The following PLCG2 variants were observed in gnomAD, a reference collection of about 807,000 sequenced individuals.
The protein encoded by PLCG2 is 1-phosphatidylinositol 4,5-bisphosphate phosphodiesterase gamma-2.
In PLCG2, 69 loss-of-function variants were observed where a neutral mutation model predicts 175.6. That is an observed-to-expected ratio of 0.39 (90% CI 0.32 to 0.48). The LOEUF (loss-of-function observed/expected upper bound fraction) is 0.48. Among genes scored for constraint, PLCG2 ranks in the 20% least tolerant of loss-of-function variants. PLCG2 has a pLI of 0.91. For synonymous variants in PLCG2, 827 were observed against 624.0 expected (o/e 1.33, Z -4.85); for missense variants, 1,798 against 1,650.9 (o/e 1.09, Z -1.54).
intron 2 of PLCG2, among the ~76,000 whole-genome samples, chr16:81,758,677 C>CTTT (rs35302433): frequency 2.1e-5 from 3 of 144,020 alleles, no homozygotes; most frequent in Non-Finnish European, 3.0e-5. Context: ...GTCCATCTCT[C>CTTT]TTTTTTTTTT....
At chr16:81,758,910 T>G (rs1909984996) in intron 2 of PLCG2, among the ~76,000 whole-genome samples, 1 of 152,178 alleles carries the variant, frequency 6.6e-6, no homozygotes, top group Admixed American at 6.6e-5. Context: ...ACTCCTGACC[T>G]CAGGTGATCC....
chr16:81,757,674 T>C (rs1190880953), intron 2 of PLCG2, among the ~76,000 whole-genome samples: 3 of 152,234 alleles, frequency 2.0e-5, no homozygotes, highest in Non-Finnish European at 4.4e-5. Flanking sequence ...ATAATTCATG[T>C]ATCACGCAAT....
chr16:81,954,647 TG>T (rs1161524270), intron 31 of PLCG2, among the ~76,000 whole-genome samples: 1 of 152,254 alleles, frequency 6.6e-6, no homozygotes, highest in African/African-American at 2.4e-5. Flanking sequence ...GCTTCATCCA[TG>T]TCCCTGCAAA....
chr16:81,952,122 G>T (rs1185569031), intron 31 of PLCG2, among the ~76,000 whole-genome samples: 1 of 151,850 alleles, frequency 6.6e-6, no homozygotes, highest in Non-Finnish European at 1.5e-5. Context: ...TAAAGGTACA[G>T]AACTTATATA....
chr16:81,786,094 G>T lies in PLCG2; in HGVS notation c.105G>T (p.Lys35Asn). 6.2e-7 allele frequency: 1 copy of T among 1,614,194 alleles called. No individual in the cohort carries two copies. The highest frequency in any genetic ancestry group is 1.1e-5 in the South Asian group (1 of 91,082). ...GTVMTVFSFR[K>N]STPERRTVQV... Reference sequence around the variant, plus strand: ...TGATGACTGTGTTCAGCTTCCGCAAGTCCACCCCCGAGCGGAGAACCGTCC... The same window carrying T: ...TGATGACTGTGTTCAGCTTCCGCAATTCCACCCCCGAGCGGAGAACCGTCC... The change falls in exon 2 of 33, where the codon AAG becomes AAT. Residue 35 changes from lysine to asparagine, a missense_variant. By Grantham distance (94) the Lys-to-Asn change is moderately conservative. Coordinates refer to ENST00000564138, the MANE Select transcript of PLCG2 (RefSeq NM_002661.5).
In PLCG2 at chr16:81,803,827, G is replaced by A. The variant is rs1047828806; in HGVS notation, c.193+17645G>A. Among the ~76,000 whole-genome samples, 6 of 151,868 alleles carry A rather than the reference G, an allele frequency of 4.0e-5. No homozygotes were observed. The East Asian group carries it at 9.7e-4, about 24-fold the overall frequency. On this transcript the variant is annotated intron_variant, in intron 2 of 32. Transcript: ENST00000564138. ...CTCCTGAGTGGCTGGGATTACAGGCGTGTACCACCACACCTGGCTAAGTTT... is the reference window on the plus strand; with the variant it reads ...CTCCTGAGTGGCTGGGATTACAGGCATGTACCACCACACCTGGCTAAGTTT...
At chr16:81,928,690 G>T (rs368410901) in intron 24 of PLCG2, 66 bp downstream of exon 24, 2 of 1,040,386 alleles carry the variant, frequency 1.9e-6, no homozygotes, top group African/African-American at 1.6e-5. Context: ...CCTCAGCCCC[G>T]CCCTACACAG....
At chr16:81,890,099 T>G (rs1172628598) in intron 10 of PLCG2, among the ~76,000 whole-genome samples, 2 of 152,128 alleles carry the variant, frequency 1.3e-5, no homozygotes, top group African/African-American at 4.8e-5. Flanking sequence ...GGTAGAGCCA[T>G]GCGAACGCCC....
chr16:81,739,941 C>T (rs886981925), intron 1 of PLCG2, among the ~76,000 whole-genome samples: 2 of 151,968 alleles, frequency 1.3e-5, no homozygotes, highest in African/African-American at 4.8e-5. Flanking sequence ...AATTTGAAAC[C>T]AGCCTGGCCA....
chr16:81,795,293 G>A (rs28405634), intron 2 of PLCG2, among the ~76,000 whole-genome samples: 62,501 of 152,048 alleles, frequency 0.41, 13,048 homozygotes, highest in South Asian at 0.51. Context: ...GCCTAGCTGG[G>A]GAAGGCCTCA....
In PLCG2 at chr16:81,786,015, C is replaced by T; in HGVS notation, c.26C>T (p.Ser9Phe). The change falls in exon 2 of 33, where the codon TCC (serine) becomes TTC (phenylalanine). Residue 9 changes from serine (S) to phenylalanine (F), a missense_variant. Transcript: ENST00000564138. ...ATGTCCACCACGGTCAATGTAGATTCCCTTGCGGAATATGAGAAGAGCCAG... is the reference window on the plus strand; with the variant it reads ...ATGTCCACCACGGTCAATGTAGATTTCCTTGCGGAATATGAGAAGAGCCAG... MSTTVNVD[S>F]LAEYEKSQIK... 6.2e-7 allele frequency: 1 copy of T among 1,614,186 alleles called. No individual in the cohort carries two copies.
At chr16:81,943,081 G>A (rs1189482496) in intron 30 of PLCG2, among the ~76,000 whole-genome samples, 1 of 152,184 alleles carries the variant, frequency 6.6e-6, no homozygotes, top group Non-Finnish European at 1.5e-5. Flanking sequence ...GTCCAGCCTG[G>A]AACCATGCTA....
At chr16:81,771,163 C>G (rs890844955) in intron 2 of PLCG2, among the ~76,000 whole-genome samples, 2 of 152,156 alleles carry the variant, frequency 1.3e-5, no homozygotes, top group Non-Finnish European at 2.9e-5. Context: ...AGATCAAAAC[C>G]TAGAACATCG....
chr16:81,849,799 C>CAAAAAAAAAAAAAAAAAAAAAAAA (rs982010474), intron 2 of PLCG2, among the ~76,000 whole-genome samples: 1 of 122,908 alleles, frequency 8.1e-6, no homozygotes. Context: ...AAAAAAAAAC[C>CAAAAAAAAAAAAAAAAAAAAAAAA]AAAAAAATTC....
chr16:81,886,624 G>C (rs1908379888), intron 9 of PLCG2, among the ~76,000 whole-genome samples: 1 of 152,174 alleles, frequency 6.6e-6, no homozygotes, highest in Non-Finnish European at 1.5e-5. Context: ...ATGGGTGATG[G>C]GATAGGAAGG....
At chr16:81,934,226 G>A (rs1910616883) in intron 25 of PLCG2, among the ~76,000 whole-genome samples, 1 of 152,170 alleles carries the variant, frequency 6.6e-6, no homozygotes, top group Non-Finnish European at 1.5e-5. Flanking sequence ...AAACCTCGTG[G>A]AAACAGCTTT....
At chr16:81,881,397 T>C (rs1020668176) in intron 8 of PLCG2, among the ~76,000 whole-genome samples, 1 of 152,202 alleles carries the variant, frequency 6.6e-6, no homozygotes, top group Non-Finnish European at 1.5e-5. Flanking sequence ...GATAGTAATA[T>C]TATTACTAAA....
intron 7 of PLCG2, among the ~76,000 whole-genome samples, chr16:81,874,295 G>A (rs1453064697): frequency 6.6e-6 from 1 of 152,278 alleles, no homozygotes; most frequent in East Asian, 1.9e-4. Flanking sequence ...ATACAGCTCT[G>A]TCTGCTCATT....
rs45554137 is a variant in PLCG2, at chr16:81,958,033, T to C, written c.*35T>C. On this transcript the variant is annotated 3_prime_UTR_variant, in exon 33 of 33. Transcript: ENST00000564138. ...TATGTGTGTAAGGGTATTGTGTGTG[T>C]GCGCATGTGTGTTTGCATGTAGGAG... 36,201 of 1,462,370 alleles carry C rather than the reference T, an allele frequency of 0.025. 613 individuals carry two copies. Among genetic ancestry groups the C allele is most frequent in the Middle Eastern group, 0.033 (193 of 5,792 alleles). The allele number at this position is 1,462,370 out of a possible 1,614,324, so 90.6% of individuals were successfully genotyped here.
Sources: gnomAD v4.1 joint callset for allele counts (sites outside exome capture counted in the v4.1 genomes callset) on GRCh38, gnomAD v4.1.1 for gene constraint, MANE v1.5 for transcripts, NCBI Gene and HGNC (gene_info 2026-07-23, HGNC 2026-07-21) for gene names.